The following CACNA2D3 variants were observed in gnomAD, a reference collection of about 807,000 sequenced individuals.
CACNA2D3 encodes calcium voltage-gated channel auxiliary subunit alpha2delta 3.
In CACNA2D3, 60 loss-of-function variants were observed where a neutral mutation model predicts 160.6. The ratio of observed to expected loss-of-function variants is 0.37; its 90% CI spans 0.30 to 0.46. CACNA2D3 has a LOEUF of 0.46. Among genes scored for constraint, CACNA2D3 ranks in the 20% least tolerant of loss-of-function variants. The pLI, the probability that CACNA2D3 is intolerant of heterozygous loss-of-function variation, is 1.00. For synonymous variants in CACNA2D3, 558 were observed against 492.9 expected (o/e 1.13, Z -1.75); for missense variants, 1,205 against 1,365.0 (o/e 0.88, Z 1.85).
At chr3:54,953,288 A>G (rs766783098) in intron 27 of CACNA2D3, among the ~76,000 whole-genome samples, 40 of 152,216 alleles carry the variant, frequency 2.6e-4, no homozygotes, top group Non-Finnish European at 5.4e-4. Context: ...TACATGAAAC[A>G]GGCAGGACTC....
intron 8 of CACNA2D3, among the ~76,000 whole-genome samples, chr3:54,573,462 T>C (rs890038067): frequency 7.9e-5 from 12 of 152,250 alleles, no homozygotes; most frequent in Non-Finnish European, 8.8e-5. Flanking sequence ...GAGCACACAG[T>C]CTTTTCGCAA....
At chr3:54,976,756 A>T (rs941589242) in intron 29 of CACNA2D3, among the ~76,000 whole-genome samples, 2 of 152,202 alleles carry the variant, frequency 1.3e-5, no homozygotes, top group African/African-American at 4.8e-5. Context: ...TCTGAGTTAA[A>T]GCAGTGTTTG....
At chr3:54,449,271 T>G (rs892964304) in intron 4 of CACNA2D3, among the ~76,000 whole-genome samples, 1 of 152,170 alleles carries the variant, frequency 6.6e-6, no homozygotes, top group African/African-American at 2.4e-5. Context: ...AGGAAGAGAA[T>G]TGCTCTTGTT....
At chr3:54,488,676 AAC>A (rs1701057879) in intron 4 of CACNA2D3, among the ~76,000 whole-genome samples, 1 of 152,068 alleles carries the variant, frequency 6.6e-6, no homozygotes, top group Non-Finnish European at 1.5e-5. Flanking sequence ...GCATTCCTTC[AAC>A]AGTCTCTACT....
At chr3:54,268,918 G>A (rs186809376) in intron 2 of CACNA2D3, among the ~76,000 whole-genome samples, 44 of 152,298 alleles carry the variant, frequency 2.9e-4, no homozygotes, top group Non-Finnish European at 4.7e-4. Flanking sequence ...AGTGGCATGA[G>A]AATCTTCTGG....
At chr3:54,401,126 C>A (rs1410999290) in intron 4 of CACNA2D3, among the ~76,000 whole-genome samples, 1 of 151,752 alleles carries the variant, frequency 6.6e-6, no homozygotes, top group African/African-American at 2.4e-5. Context: ...ACTTCAACAT[C>A]AGACTAGATC....
chr3:54,575,793 G>A (rs1271871070), intron 8 of CACNA2D3, among the ~76,000 whole-genome samples: 1 of 152,164 alleles, frequency 6.6e-6, no homozygotes, highest in Non-Finnish European at 1.5e-5. Flanking sequence ...ATAGGCAAAC[G>A]TGATGGGACA....
chr3:54,767,010 T>C (rs1702238118), intron 13 of CACNA2D3, among the ~76,000 whole-genome samples: 1 of 150,958 alleles, frequency 6.6e-6, no homozygotes, highest in South Asian at 2.1e-4. Context: ...AACAGAACTA[T>C]CATTCCCTCC....
At chr3:54,187,254 GT>G (rs970619330) in intron 2 of CACNA2D3, among the ~76,000 whole-genome samples, 4 of 152,160 alleles carry the variant, frequency 2.6e-5, no homozygotes, top group African/African-American at 9.7e-5. Context: ...CTCCTGGGCT[GT>G]CTTAGATGTT....
chr3:54,949,469 C>G (rs1201615157), intron 27 of CACNA2D3, among the ~76,000 whole-genome samples: 4 of 152,128 alleles, frequency 2.6e-5, no homozygotes, highest in African/African-American at 9.7e-5. Context: ...AGTTGCTAGC[C>G]TCTTTGGATC....
At chr3:54,292,215 C>A (rs1458483613) in intron 2 of CACNA2D3, among the ~76,000 whole-genome samples, 1 of 152,086 alleles carries the variant, frequency 6.6e-6, no homozygotes, top group Non-Finnish European at 1.5e-5. Context: ...AGAGCTAAAA[C>A]TGTAAAGCTC....
intron 4 of CACNA2D3, among the ~76,000 whole-genome samples, chr3:54,437,054 A>G (rs1278747927): frequency 6.6e-6 from 1 of 152,238 alleles, no homozygotes; most frequent in Non-Finnish European, 1.5e-5. Flanking sequence ...TGTCACACCT[A>G]GAGCAACCAC....
chr3:54,944,305 A>G (rs1701552952), intron 27 of CACNA2D3, among the ~76,000 whole-genome samples: 1 of 151,718 alleles, frequency 6.6e-6, no homozygotes, highest in South Asian at 2.1e-4. Flanking sequence ...TTTTTGTTTT[A>G]TTATCTGCCA....
At chr3:54,468,367 G>A (rs1700666293) in intron 4 of CACNA2D3, among the ~76,000 whole-genome samples, 1 of 152,190 alleles carries the variant, frequency 6.6e-6, no homozygotes, top group Admixed American at 6.5e-5. Flanking sequence ...GAAGCCATGA[G>A]GGACTGTGCC....
intron 2 of CACNA2D3, among the ~76,000 whole-genome samples, chr3:54,132,357 G>A (rs1045558598): frequency 3.3e-5 from 5 of 152,182 alleles, no homozygotes; most frequent in African/African-American, 4.8e-5. Context: ...GTTTGTGTGC[G>A]GGTGTATGTG....
At chr3:54,738,397 T>C (rs2107034503) in intron 11 of CACNA2D3, among the ~76,000 whole-genome samples, 1 of 152,324 alleles carries the variant, frequency 6.6e-6, no homozygotes, top group South Asian at 2.1e-4. Context: ...CCATTGGCTT[T>C]GATCAGTCCC....
At chr3:55,003,749 T>A (rs1010061439) in intron 31 of CACNA2D3, among the ~76,000 whole-genome samples, 2 of 152,198 alleles carry the variant, frequency 1.3e-5, no homozygotes, top group African/African-American at 4.8e-5. Flanking sequence ...GGTGTGGTGT[T>A]TAATTTTCAA....
chr3:54,783,567 C>T (rs1396992580), intron 13 of CACNA2D3, among the ~76,000 whole-genome samples: 1 of 152,058 alleles, frequency 6.6e-6, no homozygotes. Context: ...GATCGTGCCA[C>T]TGCACTCCAG....
At chr3:54,350,802 C>T (rs1157003697) in intron 3 of CACNA2D3, among the ~76,000 whole-genome samples, 1 of 152,034 alleles carries the variant, frequency 6.6e-6, no homozygotes, top group African/African-American at 2.4e-5. Context: ...CTCTACCTGT[C>T]TGCTTACCTG....
Sources: allele counts gnomAD v4.1 joint callset (sites outside exome capture counted in the v4.1 genomes callset), GRCh38; gene constraint gnomAD v4.1.1; transcripts MANE v1.5; gene names NCBI Gene and HGNC (gene_info 2026-07-23, HGNC 2026-07-21).